The following UBE2QL1 variants were observed in gnomAD, a reference collection of about 807,000 sequenced individuals.
The protein encoded by UBE2QL1 is ubiquitin conjugating enzyme E2 QL1.
A neutral mutation model predicts 12.6 loss-of-function variants in UBE2QL1; 5 were observed. The ratio of observed to expected loss-of-function variants is 0.40; its 90% CI spans 0.21 to 0.83. The LOEUF (loss-of-function observed/expected upper bound fraction) is 0.83. UBE2QL1 is among the 40% of genes least tolerant of loss of function. The pLI is 0.37. For missense variants in UBE2QL1, 99 were observed against 222.6 expected (o/e 0.44, Z 3.53); for synonymous variants, 96 against 94.5 (o/e 1.02, Z -0.10).
rs1350042387 is a variant in UBE2QL1, at chr5:6,495,161, G to A, written c.*3812G>A. Among the ~76,000 whole-genome samples, 1 of 152,108 alleles carries A rather than the reference G, an allele frequency of 6.6e-6. No individual in the cohort carries two copies. Among genetic ancestry groups the A allele is most frequent in the Admixed American group, 6.6e-5 (1 of 15,266 alleles). ...ACTCTGTCCTCACTGGCCCTGAACG[G>A]GAGAACTGGAGTCCCCTTGCCACCT... On this transcript the variant is annotated 3_prime_UTR_variant, in exon 2 of 2. Coordinates refer to ENST00000399816, the MANE Select transcript of UBE2QL1 (RefSeq NM_001145161.3).
At chr5:6,455,241 C>T (rs1560927177) in intron 1 of UBE2QL1, among the ~76,000 whole-genome samples, 2 of 152,144 alleles carry the variant, frequency 1.3e-5, no homozygotes, top group Non-Finnish European at 2.9e-5. Context: ...GAATGAAGGC[C>T]TGACACCCAC....
At chr5:6,485,358 A>G (rs1734444721) in intron 1 of UBE2QL1, among the ~76,000 whole-genome samples, 1 of 152,212 alleles carries the variant, frequency 6.6e-6, no homozygotes, top group Non-Finnish European at 1.5e-5. Flanking sequence ...GTCCTTTAGA[A>G]ACTTACAAGT....
At position 6,455,680 on chromosome 5, in the gene UBE2QL1, G is replaced by A. The variant is rs192313470; in HGVS notation, c.354+6433G>A. On this transcript the variant is annotated intron_variant, in intron 1 of 1. Coordinates refer to ENST00000399816, the MANE Select transcript of UBE2QL1 (RefSeq NM_001145161.3). ...CAAAGAGCTCCTCATGATTCTAATGGGCAGCCCGGGTTGGAAAAGCTGCCT... is the reference window on the plus strand; with the variant it reads ...CAAAGAGCTCCTCATGATTCTAATGAGCAGCCCGGGTTGGAAAAGCTGCCT... Among the ~76,000 whole-genome samples the A allele has an allele frequency of 5.9e-5, 9 of 152,180 alleles. No individual in the cohort carries two copies. The East Asian group carries it at 1.7e-3, about 29-fold the overall frequency.
intron 1 of UBE2QL1, among the ~76,000 whole-genome samples, chr5:6,475,179 T>C (rs1213314229): frequency 6.6e-6 from 1 of 152,222 alleles, no homozygotes; most frequent in East Asian, 1.9e-4. Flanking sequence ...AGAATTAAAA[T>C]CAGAACATCT....
chr5:6,465,777 G>A (rs766841686), intron 1 of UBE2QL1, among the ~76,000 whole-genome samples: 6 of 152,186 alleles, frequency 3.9e-5, no homozygotes, highest in East Asian at 1.9e-4. Context: ...CTAGGCTTCC[G>A]GAGGCCAGCT....
chr5:6,465,561 C>T (rs945801950), intron 1 of UBE2QL1, among the ~76,000 whole-genome samples: 1 of 152,232 alleles, frequency 6.6e-6, no homozygotes, highest in Non-Finnish European at 1.5e-5. Flanking sequence ...TCGGTTTCCA[C>T]TCCCCAGTGC....
At position 6,481,376 on chromosome 5, in the gene UBE2QL1, G is replaced by C. The variant is rs1734357214; in HGVS notation, c.355-9842G>C. Among the ~76,000 whole-genome samples, 1 of 152,202 alleles carries C rather than the reference G, an allele frequency of 6.6e-6. No individual in the cohort carries two copies. The highest frequency in any genetic ancestry group is 2.4e-5 in the African/African-American group (1 of 41,444). On this transcript the variant is annotated intron_variant, in intron 1 of 1. Transcript: ENST00000399816. This position sits in a 1 kb window ranked among gnomAD's most constrained non-coding sequence, Gnocchi z 4.5. ...AGGTGCTCATTATCCCCATGCAGGA[G>C]GTGAGGGCGGGTAGTGACATGGGTG...
chr5:6,471,325 A>G (rs1739908989), intron 1 of UBE2QL1, among the ~76,000 whole-genome samples: 1 of 152,192 alleles, frequency 6.6e-6, no homozygotes, highest in Non-Finnish European at 1.5e-5. Context: ...TGAGTGCTGC[A>G]TGCCTGGGTG....
intron 1 of UBE2QL1, among the ~76,000 whole-genome samples, chr5:6,486,274 A>G (rs1019309738): frequency 3.3e-5 from 5 of 152,050 alleles, no homozygotes; most frequent in African/African-American, 1.2e-4. Flanking sequence ...GGTCTACTGA[A>G]TTATGCAACT....
intron 1 of UBE2QL1, among the ~76,000 whole-genome samples, chr5:6,489,811 C>T (rs1052916106): frequency 2.6e-5 from 4 of 152,198 alleles, no homozygotes; most frequent in Non-Finnish European, 5.9e-5. Flanking sequence ...GGCTTCTGCC[C>T]TCTATGGCTG....
At chr5:6,461,540 A>ACCCCCCCCCCCCC (rs71606052) in intron 1 of UBE2QL1, among the ~76,000 whole-genome samples, 32 of 46,764 alleles carry the variant, frequency 6.8e-4, no homozygotes, top group East Asian at 1.7e-3. Context: ...TTCAGCACCC[A>ACCCCCCCCCCCCC]CCACCCCCCC....
At chr5:6,449,857 C>A (rs1739375504) in intron 1 of UBE2QL1, among the ~76,000 whole-genome samples, 1 of 127,462 alleles carries the variant, frequency 7.8e-6, no homozygotes, top group Non-Finnish European at 1.7e-5. Flanking sequence ...AGCTGATCTC[C>A]CACCTCCCCA....
intron 1 of UBE2QL1, among the ~76,000 whole-genome samples, chr5:6,460,783 C>T (rs1739636216): frequency 6.6e-6 from 1 of 152,214 alleles, no homozygotes; most frequent in African/African-American, 2.4e-5. Flanking sequence ...TTATTTAAAA[C>T]ATTTACCTCT....
At position 6,476,247 on chromosome 5, in the gene UBE2QL1, G is replaced by A. The variant is rs1485593254; in HGVS notation, c.355-14971G>A. Among the ~76,000 whole-genome samples the A allele has an allele frequency of 6.6e-6, 1 of 152,188 alleles. No individual in the cohort carries two copies. Among genetic ancestry groups the A allele is most frequent in the Non-Finnish European group, 1.5e-5 (1 of 68,032 alleles). ...CACCTCTGCTGCCTCTGCAGAGCCT[G>A]CACCTCAGCAGCACCTCAGGAGCAG... On this transcript the variant is annotated intron_variant, in intron 1 of 1. Transcript: ENST00000399816. This position sits in a 1 kb window ranked among gnomAD's most constrained non-coding sequence, Gnocchi z 4.9.
chr5:6,468,332 A>G (rs2126346678), intron 1 of UBE2QL1, among the ~76,000 whole-genome samples: 1 of 152,092 alleles, frequency 6.6e-6, no homozygotes, highest in African/African-American at 2.4e-5. Flanking sequence ...GAGCTGGAGC[A>G]GGGGCGCGGG....
At chr5:6,468,316 TC>T (rs937432616) in intron 1 of UBE2QL1, among the ~76,000 whole-genome samples, 3 of 152,136 alleles carry the variant, frequency 2.0e-5, no homozygotes, top group African/African-American at 7.2e-5. Context: ...CCGGTCATCC[TC>T]CCTGGAGCTG....
chr5:6,492,605 A>G lies in UBE2QL1; in HGVS notation c.*1256A>G, dbSNP rs1734597047. The stretch of plus-strand genomic sequence containing the variant: ...TCATGCATACCTGATACACTGCCTC[A>G]AGGATCCAGTCATTGTGGGCTATCC... On this transcript the variant is annotated 3_prime_UTR_variant, in exon 2 of 2. Transcript: ENST00000399816. 1 of 152,278 alleles carries G rather than the reference A, an allele frequency of 6.6e-6. No homozygotes were observed. Among genetic ancestry groups the G allele is most frequent in the South Asian group, 2.1e-4 (1 of 4,832 alleles). 9.4% of individuals were successfully genotyped at this position (152,278 alleles called of 1,614,324 possible). A position where few individuals can be genotyped will look rare whatever the true frequency, so the allele number is the denominator to read the frequency against.
At chr5:6,463,874 G>A (rs943640977) in intron 1 of UBE2QL1, among the ~76,000 whole-genome samples, 3 of 151,930 alleles carry the variant, frequency 2.0e-5, no homozygotes, top group African/African-American at 7.3e-5. Flanking sequence ...TGATCCACCC[G>A]CCTCGGCCTC....
chr5:6,450,296 C>T (rs746530950), intron 1 of UBE2QL1, among the ~76,000 whole-genome samples: 11 of 152,114 alleles, frequency 7.2e-5, no homozygotes, highest in South Asian at 4.1e-4. Context: ...AACGAAGGGC[C>T]AAACAGTTCT....
Sources: allele counts gnomAD v4.1 joint callset (sites outside exome capture counted in the v4.1 genomes callset), GRCh38; gene constraint gnomAD v4.1.1; non-coding constraint Gnocchi (gnomAD v3.1); transcripts MANE v1.5; gene names NCBI Gene and HGNC (gene_info 2026-07-23, HGNC 2026-07-21).